Variants in ITGAX observed in about 807,000 individuals in gnomAD.
ITGAX encodes the protein integrin alpha-X.
A neutral mutation model predicts 140.2 loss-of-function variants in ITGAX; 99 were observed. The observed-to-expected ratio is 0.71, with a 90% CI of 0.60 to 0.83. The LOEUF is 0.83. Among genes scored for constraint, ITGAX ranks in the 40% least tolerant of loss-of-function variants. The pLI, the probability that ITGAX is intolerant of heterozygous loss-of-function variation, is 0.00. For synonymous variants in ITGAX, 631 were observed against 600.4 expected (o/e 1.05, Z -0.75); for missense variants, 1,444 against 1,482.0 (o/e 0.97, Z 0.42).
intron 28 of ITGAX, 129 bp downstream of exon 28, chr16:31,380,753 C>T (rs2081061878): frequency 2.3e-6 from 3 of 1,304,614 alleles, no homozygotes; most frequent in Admixed American, 3.8e-5. Context: ...GATAGCTGTC[C>T]CTAAGGGCAC....
At chr16:31,361,383 T>C in intron 9 of ITGAX, 170 bp downstream of exon 9, 1 of 803,666 alleles carries the variant, frequency 1.2e-6, no homozygotes. Context: ...CCCAGCACTG[T>C]CAGAGCTGCC....
intron 9 of ITGAX, 65 bp from the exon 10 acceptor site, chr16:31,361,771 A>G (rs2080828426): frequency 4.6e-6 from 7 of 1,507,840 alleles, no homozygotes; most frequent in Non-Finnish European, 5.5e-6. Context: ...CTAAAGCTGA[A>G]GTGTTCTTGG....
intron 1 of ITGAX, 34 bp from the exon 2 acceptor site, chr16:31,355,859 C>T (rs879213069): frequency 6.5e-7 from 1 of 1,531,888 alleles, no homozygotes; most frequent in Non-Finnish European, 9.0e-7. Flanking sequence ...AAGGAAGACC[C>T]TTCTCCAAAG....
chr16:31,376,826 C>G lies in ITGAX; in HGVS notation c.2536C>G (p.Leu846Val). 1 of 1,614,208 alleles carries G rather than the reference C, an allele frequency of 6.2e-7. No individual in the cohort carries two copies. Among genetic ancestry groups the G allele is most frequent in the Non-Finnish European group, 8.5e-7 (1 of 1,180,034 alleles). Residue 846 changes from leucine (L) to valine (V), a missense_variant, in exon 21 of 30, where the codon CTG becomes GTG. Physicochemically the swap from Leu to Val is conservative, Grantham distance 32. Transcript: ENST00000268296. Reference protein sequence around the residue: ...QKQGQLRSLHLTCDSAPVGSQ... With the variant: ...QKQGQLRSLHVTCDSAPVGSQ... The stretch of plus-strand genomic sequence containing the variant: ...ACAAGGGCAGCTGCGTTCCCTGCAC[C>G]TGACATGTGACAGCGCCCCAGTTGG...
Position 31,377,160 on chromosome 16 carries a change from TGA to T in ITGAX, c.2706-20_2706-19del, listed in dbSNP as rs770313600. The T allele has an allele frequency of 1.9e-6, 3 of 1,613,138 alleles. No individual in the cohort carries two copies. Among genetic ancestry groups the T allele is most frequent in the Non-Finnish European group, 2.5e-6 (3 of 1,179,104 alleles). ...CTCCTCCTCTGGGGCCTCTGGCAAC[TGA>T]GTCTCTCCTCTTTCTCCAGTGAGAA... On this transcript the variant is annotated intron_variant, in intron 22 of 29. Transcript: ENST00000268296.
chr16:31,357,394 G>A (rs201858672), intron 5 of ITGAX, 30 bp downstream of exon 5: 2 of 1,452,532 alleles, frequency 1.4e-6, no homozygotes, highest in Admixed American at 1.9e-5. Flanking sequence ...AGGCTTTGAG[G>A]AGCTCACGCA....
Position 31,362,151 on chromosome 16 carries a change from C to T in ITGAX, c.1163C>T (p.Pro388Leu), listed in dbSNP as rs1311466080. 35 of 1,614,096 alleles carry T rather than the reference C, an allele frequency of 2.2e-5. No homozygotes were observed. Among genetic ancestry groups the T allele is most frequent in the Non-Finnish European group, 3.0e-5 (35 of 1,180,008 alleles). Residue 388 changes from proline to leucine, a missense_variant, in exon 11 of 30, where the codon CCT becomes CTT. By Grantham distance (98) the Pro-to-Leu change is moderately conservative. Coordinates refer to ENST00000268296, the MANE Select transcript of ITGAX (RefSeq NM_000887.5). ...TTCCTGTACCCCCCAAATATGAGCCCTACCTTCATCAACATGTCTCAGGAG... is the reference window on the plus strand; with the variant it reads ...TTCCTGTACCCCCCAAATATGAGCCTTACCTTCATCAACATGTCTCAGGAG... ...GAFLYPPNMSPTFINMSQENV... is the reference protein window; with the variant it reads ...GAFLYPPNMSLTFINMSQENV...
rs2080966476 is a variant in ITGAX, at chr16:31,371,855, G to A, written c.2160+71G>A. 1.5e-5 allele frequency: 24 copies of A among 1,553,138 alleles called. No homozygotes were observed. In the South Asian group the frequency reaches 2.7e-4, roughly 18 times the overall value. ...AGAAGGCAGGGCAGGGAGAGAACAGGCTGTGTTCCGGCCTCCCTGTGGCTC... is the reference window on the plus strand; with the variant it reads ...AGAAGGCAGGGCAGGGAGAGAACAGACTGTGTTCCGGCCTCCCTGTGGCTC... On this transcript the variant is annotated intron_variant, in intron 17 of 29. Coordinates refer to ENST00000268296, the MANE Select transcript of ITGAX (RefSeq NM_000887.5).
chr16:31,371,740 C>A lies in ITGAX; in HGVS notation c.2116C>A (p.Leu706Ile). ...KNRSLSRVRV[L>I]GLKAHCENFN... Reference sequence around the variant, plus strand: ...CCGGAGTCTGAGCCGAGTCCGAGTCCTCGGGCTGAAGGCACACTGTGAAAA... The same window carrying A: ...CCGGAGTCTGAGCCGAGTCCGAGTCATCGGGCTGAAGGCACACTGTGAAAA... Residue 706 changes from leucine to isoleucine, a missense_variant, in exon 17 of 30, where the codon CTC becomes ATC. Transcript: ENST00000268296. 6.2e-7 allele frequency: 1 copy of A among 1,614,108 alleles called. No individual in the cohort carries two copies. Among genetic ancestry groups the A allele is most frequent in the African/African-American group, 1.3e-5 (1 of 75,050 alleles).
Position 31,355,941 on chromosome 16 carries a change from C to T in ITGAX, c.86C>T (p.Ala29Val). 6.2e-7 allele frequency: 1 copy of T among 1,613,896 alleles called. No homozygotes were observed. The highest frequency in any genetic ancestry group is 8.5e-7 in the Non-Finnish European group (1 of 1,179,868). Reference protein sequence around the residue: ...GFNLDTEELTAFRVDSAGFGD... With the variant: ...GFNLDTEELTVFRVDSAGFGD... ...AACTTGGACACAGAGGAGCTGACAG[C>T]CTTCCGTGTGGACAGCGCTGGGTTT... Residue 29 changes from alanine to valine, a missense_variant, in exon 2 of 30, where the codon GCC becomes GTC. Physicochemically the swap from Ala to Val is moderately conservative, Grantham distance 64. Transcript: ENST00000268296.
chr16:31,380,468 A>C, intron 27 of ITGAX, 55 bp from the exon 28 acceptor site: 1 of 1,611,734 alleles, frequency 6.2e-7, no homozygotes, highest in South Asian at 1.1e-5. Context: ...GCACCCCCAG[A>C]GCTCTGAGCC....
At chr16:31,360,958 G>C in intron 8 of ITGAX, 105 bp from the exon 9 acceptor site, 1 of 1,086,744 alleles carries the variant, frequency 9.2e-7, no homozygotes, top group East Asian at 2.4e-5. Flanking sequence ...TGTCCACCGG[G>C]TGTGATCATG....
At chr16:31,355,361 G>A (rs2080747732) in intron 1 of ITGAX, 70 bp downstream of exon 1, 9 of 1,549,638 alleles carry the variant, frequency 5.8e-6, no homozygotes, top group Non-Finnish European at 7.1e-6. Context: ...TGAACTGGGG[G>A]CTCAGGCTGG....
At chr16:31,380,763 C>G (rs1367288012) in intron 28 of ITGAX, 134 bp from the exon 29 acceptor site, 1 of 1,271,460 alleles carries the variant, frequency 7.9e-7, no homozygotes, top group Non-Finnish European at 1.1e-6. Flanking sequence ...CCTAAGGGCA[C>G]GGGTGCTGCT....
intron 16 of ITGAX, 30 bp from the exon 17 acceptor site, chr16:31,371,600 T>TCTCAACGCCGTCCCTGC (rs2080961482): frequency 6.2e-7 from 1 of 1,613,290 alleles, no homozygotes. Context: ...GGAGTTCCTG[T>TCTCAACGCCGTCCCTGC]CTCAACGCCG....
chr16:31,360,439 AG>A lies in ITGAX; in HGVS notation c.839del (p.Gly280AlafsTer11). 1 of 1,612,492 alleles carries A rather than the reference AG, an allele frequency of 6.2e-7. No individual in the cohort carries two copies. Among genetic ancestry groups the A allele is most frequent in the Non-Finnish European group, 8.5e-7 (1 of 1,179,334 alleles). On this transcript the variant is annotated frameshift_variant, in exon 8 of 30. Coordinates refer to ENST00000268296, the MANE Select transcript of ITGAX (RefSeq NM_000887.5). LOFTEE classifies it high-confidence loss of function. Reference sequence around the variant, plus strand: ...ATGTCATCCCCATGGCTGATGCAGCAGGCATCATCCGCTATGCAATTGGGGT... The same window carrying A: ...ATGTCATCCCCATGGCTGATGCAGCAGCATCATCCGCTATGCAATTGGGGT... ...KDVIPMADAAGIIRYAIGVGL... is the reference protein window; with the variant it reads ...KDVIPMADAAXIIRYAIGVGL...
Position 31,359,580 on chromosome 16 carries a change from C to A in ITGAX, c.431-120C>A, listed in dbSNP as rs891780215. 4.7e-5 allele frequency: 56 copies of A among 1,195,046 alleles called. No individual in the cohort carries two copies. The African/African-American group carries it at 5.5e-4, about 12-fold the overall frequency. 74.0% of individuals were successfully genotyped at this position (1,195,046 alleles called of 1,614,324 possible). A position where few individuals can be genotyped will look rare whatever the true frequency, so the allele number is the denominator to read the frequency against. ...CCAGGGTGTGGAGCCTGACTCCCAT[C>A]GCCAGACTAGGGGCTTAGGGGAGGA... is the stretch of plus-strand genomic sequence containing the variant. On this transcript the variant is annotated intron_variant, in intron 5 of 29. Coordinates refer to ENST00000268296, the MANE Select transcript of ITGAX (RefSeq NM_000887.5).
At position 31,363,092 on chromosome 16, in the gene ITGAX, C is replaced by T. The variant is rs371702251; in HGVS notation, c.1500+17C>T. On this transcript the variant is annotated intron_variant, in intron 13 of 29. Coordinates refer to ENST00000268296, the MANE Select transcript of ITGAX (RefSeq NM_000887.5). ...CCCAGGGGGGTGAGTGGCTGATGGG[C>T]CTGGGGTGGGTGGGGTCTGGTGTGG... 1 of 1,554,964 alleles carries T rather than the reference C, an allele frequency of 6.4e-7. No individual in the cohort carries two copies. Among genetic ancestry groups the T allele is most frequent in the Non-Finnish European group, 8.8e-7 (1 of 1,139,452 alleles).
At position 31,382,814 on chromosome 16, in the gene ITGAX, G is replaced by C; in HGVS notation, c.*907G>C. The C allele has an allele frequency of 5.4e-6, 2 of 369,578 alleles. No individual in the cohort carries two copies. Among genetic ancestry groups the C allele is most frequent in the Non-Finnish European group, 9.8e-6 (2 of 203,794 alleles). 22.9% of individuals were successfully genotyped at this position (369,578 alleles called of 1,614,324 possible). ...CTCACCCAGCCCCAGGGGCAGAAGA[G>C]ACCCAACCACTTCTATTTTTTGAGG... is the stretch of plus-strand genomic sequence containing the variant. On this transcript the variant is annotated 3_prime_UTR_variant, in exon 30 of 30. Transcript: ENST00000268296.
Sources: gnomAD v4.1 joint callset for allele counts on GRCh38, gnomAD v4.1.1 for gene constraint, MANE v1.5 for transcripts, NCBI Gene and HGNC (gene_info 2026-07-23, HGNC 2026-07-21) for gene names.